Variants in AFF1 observed in about 807,000 individuals in gnomAD.
The protein encoded by AFF1 is AF4/FMR2 family member 1.
Under a neutral mutation model 121.7 loss-of-function variants are expected in AFF1, and 48 were observed. The observed-to-expected ratio is 0.39, with a 90% CI of 0.31 to 0.50. AFF1 has a LOEUF of 0.50. Among genes scored for constraint, AFF1 ranks in the 20% least tolerant of loss-of-function variants. AFF1 has a pLI of 0.76. For missense variants in AFF1, 1,523 were observed against 1,511.7 expected (o/e 1.01, Z -0.12); for synonymous variants, 613 against 563.0 (o/e 1.09, Z -1.26).
intron 2 of AFF1, among the ~76,000 whole-genome samples, chr4:86,982,387 G>GTT (rs1723822822): frequency 1.1e-5 from 1 of 91,606 alleles, no homozygotes; most frequent in African/African-American, 4.6e-5. Context: ...AAAAAAATTG[G>GTT]CTTTTTTTTT....
At chr4:87,132,557 T>A in intron 19 of AFF1, 149 bp downstream of exon 19, 1 of 649,810 alleles carries the variant, frequency 1.5e-6, no homozygotes, top group Non-Finnish European at 2.4e-6. Flanking sequence ...CTCCTAAATT[T>A]AAATTATTAG....
At chr4:87,029,573 A>G (rs1728867529) in intron 2 of AFF1, among the ~76,000 whole-genome samples, 1 of 152,188 alleles carries the variant, frequency 6.6e-6, no homozygotes, top group African/African-American at 2.4e-5. Flanking sequence ...GCCTGCTGGA[A>G]TAGATAGCAC....
At chr4:86,947,150 G>A (rs1208774540) in intron 1 of AFF1, among the ~76,000 whole-genome samples, 1 of 152,166 alleles carries the variant, frequency 6.6e-6, no homozygotes, top group Non-Finnish European at 1.5e-5. Context: ...AGTGGGGATT[G>A]AGTTGGAGAA....
intron 8 of AFF1, among the ~76,000 whole-genome samples, chr4:87,097,181 G>C (rs576948176): frequency 1.3e-5 from 2 of 152,216 alleles, no homozygotes; most frequent in Admixed American, 6.5e-5. Context: ...AGGAAGGGAC[G>C]TTAAAGCCTG....
At chr4:86,960,390 C>G (rs1295253589) in intron 2 of AFF1, among the ~76,000 whole-genome samples, 1 of 152,122 alleles carries the variant, frequency 6.6e-6, no homozygotes, top group Non-Finnish European at 1.5e-5. Context: ...TGCTGCTCCT[C>G]TCAGGAGACT....
chr4:87,050,327 G>A (rs1297600187), intron 4 of AFF1, among the ~76,000 whole-genome samples: 1 of 152,174 alleles, frequency 6.6e-6, no homozygotes, highest in Admixed American at 6.5e-5. Flanking sequence ...TGCTCTGAGT[G>A]TGAGGGGATA....
At chr4:87,115,827 T>C (rs1033100888) in intron 12 of AFF1, among the ~76,000 whole-genome samples, 11 of 152,002 alleles carry the variant, frequency 7.2e-5, no homozygotes, top group African/African-American at 2.7e-4. Context: ...GCCAGGCTGC[T>C]CTTGAACATC....
At position 87,137,739 on chromosome 4, in the gene AFF1, G is replaced by A. The variant is rs1729414390; in HGVS notation, c.*2038G>A. On this transcript the variant is annotated 3_prime_UTR_variant, in exon 21 of 21. Coordinates refer to ENST00000395146, the MANE Select transcript of AFF1 (RefSeq NM_001166693.3). ...CCATCTGTTATATGTAAAGGACAAG[G>A]CACCAGAATCAGGCTTTATTTCGAT... The A allele has an allele frequency of 4.3e-6, 1 of 232,528 alleles. No individual in the cohort carries two copies. The highest frequency in any genetic ancestry group is 6.1e-5 in the East Asian group (1 of 16,470). The allele number at this position is 232,528 out of a possible 1,614,324, so 14.4% of individuals were successfully genotyped here.
chr4:86,947,192 C>A (rs995353466), intron 1 of AFF1, among the ~76,000 whole-genome samples: 3 of 152,136 alleles, frequency 2.0e-5, no homozygotes, highest in African/African-American at 7.2e-5. Context: ...GCCACTATTG[C>A]TGGTCAGAAG....
Position 87,001,319 on chromosome 4 carries a change from C to T in AFF1, c.39-44847C>T, listed in dbSNP as rs183939820. On this transcript the variant is annotated intron_variant, in intron 2 of 20. Transcript: ENST00000395146. Reference sequence around the variant, plus strand: ...GCAACCTCCCCCTCCCAGGTTCAAGCGATTCTCCTACCTCAGCCTCCCGAG... The same window carrying T: ...GCAACCTCCCCCTCCCAGGTTCAAGTGATTCTCCTACCTCAGCCTCCCGAG... Among the ~76,000 whole-genome samples, 3 of 140,676 alleles carry T rather than the reference C, an allele frequency of 2.1e-5. No individual in the cohort carries two copies. In the East Asian group the frequency reaches 7.2e-4, roughly 34 times the overall value. The allele number at this position is 140,676 out of a possible 152,430, so 92.3% of individuals were successfully genotyped here.
chr4:86,990,551 A>C (rs757526883), intron 2 of AFF1, among the ~76,000 whole-genome samples: 1 of 152,180 alleles, frequency 6.6e-6, no homozygotes, highest in Non-Finnish European at 1.5e-5. Context: ...GGTTTCAGAG[A>C]GGGTGCCATT....
chr4:87,085,243 A>G (rs781285202), intron 5 of AFF1, among the ~76,000 whole-genome samples: 46 of 152,154 alleles, frequency 3.0e-4, no homozygotes, highest in Non-Finnish European at 6.3e-4. Context: ...ATCAGAGAAG[A>G]ATTATATATA....
At chr4:86,957,623 A>C (rs1004157913) in intron 2 of AFF1, among the ~76,000 whole-genome samples, 1 of 152,000 alleles carries the variant, frequency 6.6e-6, no homozygotes, top group Non-Finnish European at 1.5e-5. Flanking sequence ...GCTCACTGCA[A>C]CCTCTGCCTC....
intron 5 of AFF1, among the ~76,000 whole-genome samples, chr4:87,089,035 G>A (rs1359686216): frequency 2.6e-5 from 4 of 152,102 alleles, no homozygotes; most frequent in African/African-American, 4.8e-5. Context: ...GAGCTGCTGC[G>A]CCCGGCCGCA....
chr4:87,080,019 G>A (rs576234055), intron 4 of AFF1, among the ~76,000 whole-genome samples: 2 of 152,328 alleles, frequency 1.3e-5, no homozygotes, highest in South Asian at 4.1e-4. Flanking sequence ...AGTACAAAAT[G>A]CATTCAATAA....
At chr4:87,074,285 C>A (rs750581718) in intron 4 of AFF1, among the ~76,000 whole-genome samples, 2 of 151,976 alleles carry the variant, frequency 1.3e-5, no homozygotes, top group Non-Finnish European at 2.9e-5. Context: ...AGTGTCTAGA[C>A]TTGTTCTTTG....
In AFF1 at chr4:87,102,266, T is replaced by C. The variant is rs1203929794; in HGVS notation, c.1284-3362T>C. Among the ~76,000 whole-genome samples, 3 of 152,366 alleles carry C rather than the reference T, an allele frequency of 2.0e-5. No homozygotes were observed. The South Asian group carries it at 6.2e-4, about 32-fold the overall frequency. ...TGAAATAACTGCCTTGACTTGGCAT[T>C]TGGAAATGAAACTTGTTATTTGACC... On this transcript the variant is annotated intron_variant, in intron 8 of 20. Transcript: ENST00000395146.
intron 2 of AFF1, among the ~76,000 whole-genome samples, chr4:87,031,080 T>C (rs1381096206): frequency 1.3e-5 from 2 of 152,140 alleles, no homozygotes; most frequent in African/African-American, 4.8e-5. Flanking sequence ...TAGGAGGGTA[T>C]TGCAGGCTCT....
intron 8 of AFF1, among the ~76,000 whole-genome samples, chr4:87,097,180 C>G (rs1266815339): frequency 6.6e-6 from 1 of 152,126 alleles, no homozygotes; most frequent in South Asian, 2.1e-4. Flanking sequence ...CAGGAAGGGA[C>G]GTTAAAGCCT....
Sources: gnomAD v4.1 joint callset for allele counts (sites outside exome capture counted in the v4.1 genomes callset) on GRCh38, gnomAD v4.1.1 for gene constraint, MANE v1.5 for transcripts, NCBI Gene and HGNC (gene_info 2026-07-23, HGNC 2026-07-21) for gene names.